Variants in TLE4 observed in about 807,000 individuals in gnomAD.
The protein encoded by TLE4 is TLE family member 4, transcriptional corepressor, also known as transducin-like enhancer protein 4.
Under a neutral mutation model 92.8 loss-of-function variants are expected in TLE4, and 8 were observed. That is an observed-to-expected ratio of 0.09 (90% confidence interval 0.05 to 0.16). TLE4 has a LOEUF of 0.16. Ranked by LOEUF, TLE4 falls within the 10% of genes least tolerant of loss-of-function variation. The probability of loss-of-function intolerance (pLI) is 1.00; values close to 1 mark genes in which losing one functional copy is unlikely to be tolerated. For missense variants in TLE4, 675 were observed against 997.6 expected (o/e 0.68, Z 4.36); for synonymous variants, 371 against 374.1 (o/e 0.99, Z 0.10).
chr9:79,725,546 A>G lies in TLE4; in HGVS notation c.*402A>G, dbSNP rs1459788435. ...ACCCCTCCCCCCCTTTTTTTGGCAAAGGAGGGGAAAGGAAGGTTTAAAATA... is the reference window on the plus strand; with the variant it reads ...ACCCCTCCCCCCCTTTTTTTGGCAAGGGAGGGGAAAGGAAGGTTTAAAATA... On this transcript the variant is annotated 3_prime_UTR_variant, in exon 20 of 20. Transcript: ENST00000376552. 1 of 164,558 alleles carries G rather than the reference A, an allele frequency of 6.1e-6. No individual in the cohort carries two copies. The highest frequency in any genetic ancestry group is 6.0e-5 in the Admixed American group (1 of 16,748). 10.2% of individuals were successfully genotyped at this position (164,558 alleles called of 1,614,324 possible). A position where few individuals can be genotyped will look rare whatever the true frequency, so the allele number is the denominator to read the frequency against.
chr9:79,693,807 TAATAA>T (rs1160443709), intron 8 of TLE4: 10 of 317,434 alleles, frequency 3.2e-5, no homozygotes, highest in Non-Finnish European at 3.7e-5. Context: ...GCATTCTTTT[TAATAA>T]AATAGTGATT....
At chr9:79,684,452 C>CTCTATTGTGAACTGTGCAATGCAGGGA (rs67243699) in intron 8 of TLE4, among the ~76,000 whole-genome samples, 1 of 151,936 alleles carries the variant, frequency 6.6e-6, no homozygotes, top group Non-Finnish European at 1.5e-5. Flanking sequence ...GGCATGCATA[C>CTCTATTGTGAACTGTGCAATGCAGGGA]TCTATTGTGA....
chr9:79,608,551 A>G (rs879293411), intron 4 of TLE4, among the ~76,000 whole-genome samples: 1 of 152,078 alleles, frequency 6.6e-6, no homozygotes, highest in Non-Finnish European at 1.5e-5. Context: ...TAAACATTCA[A>G]TAAAATAAAT....
At chr9:79,714,975 C>G (rs1202504911) in intron 14 of TLE4, among the ~76,000 whole-genome samples, 1 of 152,112 alleles carries the variant, frequency 6.6e-6, no homozygotes, top group Non-Finnish European at 1.5e-5. Flanking sequence ...ATTTCCAGTT[C>G]TGAGTGCCTT....
At chr9:79,599,952 T>C (rs145530222) in intron 4 of TLE4, among the ~76,000 whole-genome samples, 1,716 of 152,342 alleles carry the variant, frequency 0.011, 39 homozygotes, top group African/African-American at 0.039. Context: ...CCTCCACCTA[T>C]GATGTGAGCT....
intron 8 of TLE4, among the ~76,000 whole-genome samples, chr9:79,661,767 T>C (rs923320033): frequency 6.6e-6 from 1 of 152,202 alleles, no homozygotes; most frequent in African/African-American, 2.4e-5. Flanking sequence ...CTTTATCAGA[T>C]TATTCATTAT....
At chr9:79,648,910 TG>T (rs2058501414) in intron 6 of TLE4, among the ~76,000 whole-genome samples, 1 of 152,056 alleles carries the variant, frequency 6.6e-6, no homozygotes, top group African/African-American at 2.4e-5. Flanking sequence ...TGGATAAAGA[TG>T]GGTGAGGCCA....
At position 79,572,485 on chromosome 9, in the gene TLE4, G is replaced by GCTCGGCGGGTGCGC. The variant is rs2036072664; in HGVS notation, c.-297_-284dup. Reference sequence around the variant, plus strand: ...GGGTGAGCGGCGGCCGCGGCGCCGGGCTCGGCGGGTGCGCCTCGGCGGAGC... The same window carrying GCTCGGCGGGTGCGC: ...GGGTGAGCGGCGGCCGCGGCGCCGGGCTCGGCGGGTGCGCCTCGGCGGGTGCGCCTCGGCGGAGC... On this transcript the variant is annotated 5_prime_UTR_variant, in exon 1 of 20. Transcript: ENST00000376552. The GCTCGGCGGGTGCGC allele has an allele frequency of 1.3e-5, 2 of 153,762 alleles. No homozygotes were observed. The highest frequency in any genetic ancestry group is 6.5e-5 in the Admixed American group (1 of 15,272). The allele number at this position is 153,762 out of a possible 1,614,324, so 9.5% of individuals were successfully genotyped here. A position where few individuals can be genotyped will look rare whatever the true frequency, so the allele number is the denominator to read the frequency against.
intron 6 of TLE4, among the ~76,000 whole-genome samples, chr9:79,632,312 C>T (rs971723658): frequency 6.6e-6 from 1 of 152,154 alleles, no homozygotes; most frequent in African/African-American, 2.4e-5. Flanking sequence ...ACAAAAGGTT[C>T]CAGTAGGATG....
chr9:79,572,892 C>T (rs2036209278), intron 1 of TLE4, 57 bp downstream of exon 1: 3 of 1,543,336 alleles, frequency 1.9e-6, no homozygotes, highest in Non-Finnish European at 2.6e-6. Flanking sequence ...CCCCGCGTCG[C>T]CCCCTGCGCA....
chr9:79,605,475 A>G (rs1347135041), intron 4 of TLE4, among the ~76,000 whole-genome samples: 2 of 152,268 alleles, frequency 1.3e-5, no homozygotes, highest in East Asian at 3.9e-4. Flanking sequence ...CACAATAACT[A>G]GAGCCCAGAA....
Position 79,692,890 on chromosome 9 carries a change from C to T in TLE4, c.610-11893C>T, listed in dbSNP as rs147127846. Among the ~76,000 whole-genome samples the T allele has an allele frequency of 1.4e-4, 22 of 152,312 alleles. No individual in the cohort carries two copies. The East Asian group carries it at 4.3e-3, about 29-fold the overall frequency. ...CATATGACTTTTGATGGGACACAGA[C>T]ATTCAGACTATAGCAGTGACAATCC... On this transcript the variant is annotated intron_variant, in intron 8 of 19. Coordinates refer to ENST00000376552, the MANE Select transcript of TLE4 (RefSeq NM_007005.6).
In TLE4 at chr9:79,574,948, A is replaced by G. The variant is rs746648577; in HGVS notation, c.207+12A>G. 1.2e-6 allele frequency: 2 copies of G among 1,612,002 alleles called. No individual in the cohort carries two copies. The highest frequency in any genetic ancestry group is 1.7e-4 in the Middle Eastern group (1 of 6,058). On this transcript the variant is annotated intron_variant, in intron 3 of 19. Coordinates refer to ENST00000376552, the MANE Select transcript of TLE4 (RefSeq NM_007005.6). ...GGCATTATGTCATGGTAAGAAAACC[A>G]TGTCACAGATTCAAAGTGCCTATTA... is the stretch of plus-strand genomic sequence containing the variant.
chr9:79,636,519 C>T (rs1197410973), intron 6 of TLE4, among the ~76,000 whole-genome samples: 5 of 152,200 alleles, frequency 3.3e-5, no homozygotes, highest in South Asian at 2.1e-4. Context: ...AGTGTGTTCT[C>T]GACTGAGGGT....
intron 4 of TLE4, among the ~76,000 whole-genome samples, chr9:79,608,764 C>T (rs1039755506): frequency 1.3e-5 from 2 of 151,964 alleles, no homozygotes. Flanking sequence ...AGAGACAAAC[C>T]CATCAAACAG....
intron 8 of TLE4, among the ~76,000 whole-genome samples, chr9:79,654,859 G>T (rs928098402): frequency 1.3e-5 from 2 of 152,094 alleles, no homozygotes; most frequent in African/African-American, 2.4e-5. Context: ...ATACACCATT[G>T]TAGGCCGGGC....
intron 8 of TLE4, among the ~76,000 whole-genome samples, chr9:79,669,118 T>G (rs904149274): frequency 6.6e-6 from 1 of 152,174 alleles, no homozygotes; most frequent in Non-Finnish European, 1.5e-5. Flanking sequence ...TATGCATATT[T>G]TTTCTTCCTT....
In TLE4 at chr9:79,718,839, C is replaced by G; in HGVS notation, c.1458C>G (p.His486Gln). 1 of 1,614,132 alleles carries G rather than the reference C, an allele frequency of 6.2e-7. No homozygotes were observed. Among genetic ancestry groups the G allele is most frequent in the Non-Finnish European group, 8.5e-7 (1 of 1,180,040 alleles). The change falls in exon 15 of 20, where the codon CAC becomes CAG. Residue 486 changes from histidine to glutamine, a missense_variant. By Grantham distance (24) the His-to-Gln change is conservative. Around this residue, in one of 5 missense-constraint regions of TLE4, gnomAD observed 119 missense variants for 175.9 expected, o/e 0.68. Coordinates refer to ENST00000376552, the MANE Select transcript of TLE4 (RefSeq NM_007005.6). ...RHARQINTLN[H>Q]GEVVCAVTIS... ...CTCGCCAGATCAACACCCTCAACCACGGGGAGGTGGTGTGCGCGGTGACCA... is the reference window on the plus strand; with the variant it reads ...CTCGCCAGATCAACACCCTCAACCAGGGGGAGGTGGTGTGCGCGGTGACCA...
chr9:79,698,468 A>G (rs1422149209), intron 8 of TLE4, among the ~76,000 whole-genome samples: 4 of 152,210 alleles, frequency 2.6e-5, no homozygotes, highest in Non-Finnish European at 5.9e-5. Flanking sequence ...ATTACTTTAT[A>G]TGGAGATTAT....
Sources: allele counts gnomAD v4.1 joint callset (sites outside exome capture counted in the v4.1 genomes callset), GRCh38; gene constraint gnomAD v4.1.1; regional missense constraint gnomAD v4.1.1; transcripts MANE v1.5; gene names NCBI Gene and HGNC (gene_info 2026-07-23, HGNC 2026-07-21).